Variants in TENM1 observed in about 807,000 individuals in gnomAD.
The protein encoded by TENM1 is teneurin-1.
Under a neutral mutation model 174.8 loss-of-function variants are expected in TENM1, and 35 were observed. The observed-to-expected ratio is 0.20, with a 90% CI of 0.15 to 0.27. TENM1 has a LOEUF of 0.27. Among genes scored for constraint, TENM1 ranks in the 10% least tolerant of loss-of-function variants. The pLI is 1.00. For synonymous variants in TENM1, 781 were observed against 798.7 expected, an observed-to-expected ratio of 0.98 and a Z score of 0.37; for missense variants, 1,633 against 2,130.1, an observed-to-expected ratio of 0.77 and a Z score of 4.59.
the TENM1 span, among the ~76,000 whole-genome samples, chrX:125,203,502 C>T: frequency 8.9e-6 from 1 of 112,612 alleles, no homozygotes; most frequent in Non-Finnish European, 1.9e-5. Context: ...AGCGAGCCCT[C>T]GAAGGGCAGC....
intron 6 of TENM1, 65 bp from the exon 10 acceptor site, chrX:124,653,848 A>G: frequency 1.0e-6 from 1 of 973,370 alleles, no homozygotes; most frequent in Non-Finnish European, 1.4e-6. Flanking sequence ...AATGGTTTTT[A>G]GCTTTTCAAG....
chrX:124,912,241 C>G (rs1278024002), intron 1 of TENM1, among the ~76,000 whole-genome samples: 1 of 111,411 alleles, frequency 9.0e-6, no homozygotes, highest in Non-Finnish European at 1.9e-5. Context: ...CTTCTTCCAT[C>G]GAACTGAAAT....
chrX:124,696,785 A>G (rs949022804), intron 5 of TENM1, among the ~76,000 whole-genome samples: 3 of 111,918 alleles, frequency 2.7e-5, no homozygotes, highest in Non-Finnish European at 5.7e-5. Context: ...ATGTAGATTC[A>G]TAAGTGAACA....
intron 1 of TENM1, among the ~76,000 whole-genome samples, chrX:124,920,199 G>A (rs1199730090): frequency 9.0e-6 from 1 of 111,264 alleles, no homozygotes; most frequent in Non-Finnish European, 1.9e-5. Flanking sequence ...TTTATTGTTT[G>A]AAAAATGCAG....
At chrX:124,409,760 C>T (rs1323314960) in intron 25 of TENM1, among the ~76,000 whole-genome samples, 13 of 103,873 alleles carry the variant, frequency 1.3e-4, no homozygotes, top group South Asian at 4.2e-4. Flanking sequence ...GAGTGAACTC[C>T]CATTCACAAT....
At chrX:124,393,586 CAGTTT>C (rs1310151329) in intron 27 of TENM1, among the ~76,000 whole-genome samples, 1 of 111,819 alleles carries the variant, frequency 8.9e-6, no homozygotes, top group Non-Finnish European at 1.9e-5. Flanking sequence ...TAGCTTAGCT[CAGTTT>C]AGTTAAGTTT....
intron 3 of TENM1, among the ~76,000 whole-genome samples, chrX:124,791,992 T>G (rs2055191782): frequency 9.0e-6 from 1 of 110,904 alleles, no homozygotes; most frequent in African/African-American, 3.3e-5. Flanking sequence ...AGGATTTTAT[T>G]TCTTTCAGAT....
exon 27 of TENM1, chrX:124,405,036 G>C: frequency 8.3e-7 from 1 of 1,207,638 alleles, no homozygotes. Context: ...CTTACCCTCA[G>C]CCTCCTTTCA....
chrX:124,546,454 G>A (rs914173316), intron 15 of TENM1, among the ~76,000 whole-genome samples: 2 of 111,625 alleles, frequency 1.8e-5, no homozygotes, highest in Non-Finnish European at 3.8e-5. Context: ...GATTTTTCAC[G>A]AGTCTTGCAT....
At chrX:125,113,224 A>G in the TENM1 span, among the ~76,000 whole-genome samples, 3 of 111,618 alleles carry the variant, frequency 2.7e-5, no homozygotes, top group African/African-American at 9.8e-5. Context: ...CATGCCAGAT[A>G]AAAAATTGTC....
intron 28 of TENM1, among the ~76,000 whole-genome samples, chrX:124,391,252 A>G (rs149589039): frequency 2.0e-3 from 218 of 111,582 alleles, no homozygotes; most frequent in Non-Finnish European, 2.5e-3. Context: ...AAGGGAAGCC[A>G]TTTTTCAATT....
At chrX:124,471,694 A>C (rs2147908842) in intron 22 of TENM1, among the ~76,000 whole-genome samples, 1 of 88,367 alleles carries the variant, frequency 1.1e-5, no homozygotes, top group South Asian at 4.9e-4. Flanking sequence ...TATATAATAT[A>C]TAATATAGAA....
intron 21 of TENM1, among the ~76,000 whole-genome samples, 199 bp from the exon 25 acceptor site, chrX:124,482,163 C>T (rs1173418565): frequency 9.1e-6 from 1 of 110,346 alleles, no homozygotes; most frequent in African/African-American, 3.3e-5. Context: ...ATGTATACTG[C>T]TAATTCATAA....
chrX:125,191,258 T>C, the TENM1 span, among the ~76,000 whole-genome samples: 1 of 112,242 alleles, frequency 8.9e-6, no homozygotes, highest in East Asian at 2.8e-4. Flanking sequence ...TATTTCATCA[T>C]GTCCTTATTA....
intron 3 of TENM1, among the ~76,000 whole-genome samples, chrX:124,810,253 T>C (rs1409771560): frequency 2.7e-5 from 3 of 111,693 alleles, no homozygotes; most frequent in Admixed American, 9.5e-5. Flanking sequence ...GGCATCCAAA[T>C]TGAAAACAAA....
At chrX:124,685,173 A>C (rs1209463822) in intron 5 of TENM1, among the ~76,000 whole-genome samples, 1 of 106,627 alleles carries the variant, frequency 9.4e-6, no homozygotes, top group African/African-American at 3.5e-5. Flanking sequence ...ACAACAACAA[A>C]GCACCTGTAA....
At chrX:124,749,556 C>T (rs2054013084) in intron 3 of TENM1, among the ~76,000 whole-genome samples, 1 of 112,369 alleles carries the variant, frequency 8.9e-6, no homozygotes, top group Non-Finnish European at 1.9e-5. Context: ...AATTCCCTCA[C>T]AGTACGTCAA....
chrX:124,392,334 G>A (rs773460711), exon 28 of TENM1: 1 of 1,200,863 alleles, frequency 8.3e-7, no homozygotes, highest in Non-Finnish European at 1.1e-6. Context: ...TGGAGAGTAG[G>A]TTTCTGTTGT....
the TENM1 span, among the ~76,000 whole-genome samples, chrX:125,036,597 T>C: frequency 8.9e-6 from 1 of 111,977 alleles, no homozygotes; most frequent in African/African-American, 3.2e-5. Flanking sequence ...TGGGACTTGA[T>C]GCTTTACTAA....
Sources: allele counts gnomAD v4.1 joint callset (sites outside exome capture counted in the v4.1 genomes callset), GRCh38; gene constraint gnomAD v4.1.1; transcripts MANE v1.5; gene names NCBI Gene and HGNC (gene_info 2026-07-23, HGNC 2026-07-21).